The following CA10 variants were observed in gnomAD, a reference collection of about 807,000 sequenced individuals.
CA10 encodes carbonic anhydrase-related protein 10.
A neutral mutation model predicts 44.2 loss-of-function variants in CA10; 14 were observed. The ratio of observed to expected loss-of-function variants is 0.32; its 90% confidence interval spans 0.21 to 0.50. CA10 has a LOEUF of 0.50. Among genes scored for constraint, CA10 ranks in the 20% least tolerant of loss-of-function variants. The pLI is 0.99. For missense variants in CA10, 350 were observed against 409.7 expected, an observed-to-expected ratio of 0.85 and a Z score of 1.26; for synonymous variants, 159 against 141.6, an observed-to-expected ratio of 1.12 and a Z score of -0.87.
chr17:52,159,862 A>G (rs1181119958), upstream of CA10: 1 of 152,176 alleles, frequency 6.6e-6, no homozygotes, highest in Non-Finnish European at 1.5e-5. Context: ...GGAAAGACAA[A>G]ATCTCAACAG....
chr17:52,110,032 A>G (rs1988756781), intron 1 of CA10, among the ~76,000 whole-genome samples: 1 of 152,206 alleles, frequency 6.6e-6, no homozygotes, highest in Non-Finnish European at 1.5e-5. Flanking sequence ...TCTCATCCGC[A>G]TGACTATTCT....
intron 3 of CA10, among the ~76,000 whole-genome samples, chr17:51,812,054 T>C (rs940680957): frequency 6.6e-6 from 1 of 152,168 alleles, no homozygotes; most frequent in Non-Finnish European, 1.5e-5. Context: ...ACTCAACCTG[T>C]TCAACAGCAG....
chr17:51,898,468 G>A (rs551145417), intron 3 of CA10, among the ~76,000 whole-genome samples: 3 of 152,112 alleles, frequency 2.0e-5, no homozygotes, highest in South Asian at 2.1e-4. Context: ...TTTTGTTGAC[G>A]ATTTTTGCAT....
intron 3 of CA10, among the ~76,000 whole-genome samples, chr17:51,900,844 T>A (rs1440448106): frequency 6.6e-6 from 1 of 152,198 alleles, no homozygotes; most frequent in African/African-American, 2.4e-5. Flanking sequence ...TCGAAGTCAT[T>A]TTTCAGCTCT....
chr17:51,795,679 G>A (rs1369252766), intron 3 of CA10, among the ~76,000 whole-genome samples: 2 of 152,306 alleles, frequency 1.3e-5, no homozygotes, highest in Non-Finnish European at 2.9e-5. Flanking sequence ...GGACCCAAGT[G>A]CCTTTACTAA....
chr17:51,967,369 C>T lies in CA10; in HGVS notation c.137-36237G>A, dbSNP rs1032474744. On this transcript the variant is annotated intron_variant, in intron 2 of 8. Coordinates refer to ENST00000451037, the MANE Select transcript of CA10 (RefSeq NM_020178.5). ...ATATATATGAATATAAATAATTCTA[C>T]CAAAAAGACACATGCACTTGTATGT... 3.6e-4 allele frequency among the ~76,000 whole-genome samples: 54 copies of T among 150,328 alleles called. No individual in the cohort carries two copies. The South Asian group carries it at 4.8e-3, about 13-fold the overall frequency.
intron 2 of CA10, among the ~76,000 whole-genome samples, chr17:52,017,467 C>T (rs1986004249): frequency 6.6e-6 from 1 of 152,070 alleles, no homozygotes; most frequent in African/African-American, 2.4e-5. Flanking sequence ...AACTTAGCTG[C>T]ACTGTGTCCA....
At chr17:51,981,084 A>C (rs77006131) in intron 2 of CA10, among the ~76,000 whole-genome samples, 2,180 of 152,220 alleles carry the variant, frequency 0.014, 22 homozygotes, top group Middle Eastern at 0.078. Flanking sequence ...GCAAGTATAA[A>C]ATGGTACTGC....
chr17:51,830,839 T>C (rs911876692), intron 3 of CA10, among the ~76,000 whole-genome samples: 9 of 152,172 alleles, frequency 5.9e-5, no homozygotes, highest in African/African-American at 1.9e-4. Context: ...TTAAATCTCA[T>C]ATTACAAGTC....
At chr17:51,732,628 G>A (rs1676357285) in intron 4 of CA10, among the ~76,000 whole-genome samples, 1 of 152,124 alleles carries the variant, frequency 6.6e-6, no homozygotes, top group Non-Finnish European at 1.5e-5. Context: ...CATACAGGCA[G>A]GTAACCAAGA....
chr17:51,703,464 C>T (rs546218434), intron 4 of CA10, among the ~76,000 whole-genome samples: 1 of 152,218 alleles, frequency 6.6e-6, no homozygotes, highest in African/African-American at 2.4e-5. Flanking sequence ...GTCTCATTCT[C>T]TTTGTTTACA....
intron 2 of CA10, among the ~76,000 whole-genome samples, chr17:52,028,216 C>T (rs1294733608): frequency 6.6e-6 from 1 of 152,098 alleles, no homozygotes; most frequent in African/African-American, 2.4e-5. Context: ...TTACATTTGG[C>T]CAAATTCTTA....
chr17:51,885,682 T>G (rs1024717823), intron 3 of CA10, among the ~76,000 whole-genome samples: 1 of 152,234 alleles, frequency 6.6e-6, no homozygotes, highest in African/African-American at 2.4e-5. Context: ...TGTAGAATCA[T>G]GACAACACAA....
chr17:51,684,231 T>C (rs1356912518), intron 4 of CA10, among the ~76,000 whole-genome samples: 1 of 152,174 alleles, frequency 6.6e-6, no homozygotes, highest in African/African-American at 2.4e-5. Flanking sequence ...GCTTTGAAGA[T>C]GGATTCTGCC....
chr17:52,019,852 C>T (rs1412818463), intron 2 of CA10, among the ~76,000 whole-genome samples: 1 of 151,812 alleles, frequency 6.6e-6, no homozygotes, highest in Non-Finnish European at 1.5e-5. Flanking sequence ...TTGGGAATTT[C>T]CTAGTTACAT....
In CA10 at chr17:52,046,646, T is replaced by C. The variant is rs528478746; in HGVS notation, c.136+25673A>G. On this transcript the variant is annotated intron_variant, in intron 2 of 8. Coordinates refer to ENST00000451037, the MANE Select transcript of CA10 (RefSeq NM_020178.5). Reference sequence around the variant, plus strand: ...ACCAAACATTTAATCTTCTAGAAAATAGAAGATGATGGAACACTTTACAGC... The same window carrying C: ...ACCAAACATTTAATCTTCTAGAAAACAGAAGATGATGGAACACTTTACAGC... Among the ~76,000 whole-genome samples the C allele has an allele frequency of 4.0e-5, 6 of 151,862 alleles. No individual in the cohort carries two copies. The South Asian group carries it at 6.2e-4, about 16-fold the overall frequency.
intron 4 of CA10, among the ~76,000 whole-genome samples, chr17:51,656,485 G>A (rs926650615): frequency 1.3e-4 from 20 of 152,178 alleles, no homozygotes; most frequent in African/African-American, 4.8e-4. Flanking sequence ...CAGGAGCTTT[G>A]GTTTCTATTA....
At chr17:52,131,269 C>A (rs1359674349) in intron 1 of CA10, among the ~76,000 whole-genome samples, 1 of 152,166 alleles carries the variant, frequency 6.6e-6, no homozygotes, top group Non-Finnish European at 1.5e-5. Flanking sequence ...CCACCCTCTT[C>A]TAATATATCT....
chr17:51,804,500 C>G (rs894822893), intron 3 of CA10, among the ~76,000 whole-genome samples: 1 of 152,208 alleles, frequency 6.6e-6, no homozygotes, highest in Non-Finnish European at 1.5e-5. Flanking sequence ...CCCTGTATCT[C>G]ATTCATGGTC....
Sources: gnomAD v4.1 joint callset for allele counts (sites outside exome capture counted in the v4.1 genomes callset) on GRCh38, gnomAD v4.1.1 for gene constraint, MANE v1.5 for transcripts, NCBI Gene and HGNC (gene_info 2026-07-23, HGNC 2026-07-21) for gene names.